TJP1: variants seen among roughly 807,000 people sequenced by gnomAD.
The protein encoded by TJP1 is tight junction protein 1, also known as tight junction protein ZO-1.
Under a neutral mutation model 194.2 loss-of-function variants are expected in TJP1, and 43 were observed. The ratio of observed to expected loss-of-function variants is 0.22; its 90% CI spans 0.17 to 0.29. TJP1 has a LOEUF of 0.29. Among genes scored for constraint, TJP1 ranks in the 10% least tolerant of loss-of-function variants. The pLI is 1.00. For missense variants in TJP1, 1,971 were observed against 2,185.7 expected, an observed-to-expected ratio of 0.90 and a Z score of 1.96; for synonymous variants, 801 against 779.0, an observed-to-expected ratio of 1.03 and a Z score of -0.47.
chr15:29,727,491 TAACTC>T (rs1467197720), intron 16 of TJP1, among the ~76,000 whole-genome samples: 1 of 152,234 alleles, frequency 6.6e-6, no homozygotes, highest in Non-Finnish European at 1.5e-5. Context: ...AATTGTAAGT[TAACTC>T]AATTCCATTT....
chr15:29,871,271 G>A (rs2052508443), intron 2 of TJP1, among the ~76,000 whole-genome samples: 1 of 152,224 alleles, frequency 6.6e-6, no homozygotes. Flanking sequence ...AATTCTGAGA[G>A]TAACTATAAA....
At chr15:29,943,361 G>A (rs1024175208) in intron 2 of TJP1, among the ~76,000 whole-genome samples, 1 of 152,178 alleles carries the variant, frequency 6.6e-6, no homozygotes, top group Non-Finnish European at 1.5e-5. Context: ...CAGGCACAGT[G>A]GCTCACGCCT....
rs936501500 is a variant in TJP1 at position 29,820,437 on chromosome 15, A to G, written c.27+1565T>C. ...CTCGCAAATGTTTACAATGCAAAAA[A>G]GTCCCTACAACGTAATATTTAACGA... On this transcript the variant is annotated intron_variant, in intron 1 of 27. Transcript: ENST00000614355. 6 of 690,668 alleles carry G rather than the reference A, an allele frequency of 8.7e-6. No homozygotes were observed. In the African/African-American group the frequency reaches 8.9e-5, roughly 10 times the overall value. The allele number at this position is 690,668 out of a possible 1,614,324, so 42.8% of individuals were successfully genotyped here. A position where few individuals can be genotyped will look rare whatever the true frequency, so the allele number is the denominator to read the frequency against.
At chr15:29,961,425 T>G (rs1472625669) in intron 1 of TJP1, among the ~76,000 whole-genome samples, 1 of 132,090 alleles carries the variant, frequency 7.6e-6, no homozygotes, top group Non-Finnish European at 1.5e-5. Context: ...CTCGGCTCAC[T>G]GCAAGCTCCG....
chr15:29,880,155 A>G (rs1567161319), intron 2 of TJP1, among the ~76,000 whole-genome samples: 2 of 152,132 alleles, frequency 1.3e-5, no homozygotes, highest in Admixed American at 6.5e-5. Flanking sequence ...AATTTATTCA[A>G]TCATTTCTCT....
At chr15:29,780,711 T>C (rs1339327097) in intron 2 of TJP1, among the ~76,000 whole-genome samples, 1 of 151,928 alleles carries the variant, frequency 6.6e-6, no homozygotes, top group East Asian at 1.9e-4. Context: ...CACAAGAAGA[T>C]ACAAGACATG....
chr15:29,761,579 G>A (rs372314959), intron 7 of TJP1, 22 bp downstream of exon 7: 50 of 1,577,488 alleles, frequency 3.2e-5, no homozygotes, highest in African/African-American at 5.4e-5. Context: ...TAGAGGGAAC[G>A]TTCAAACAGA....
At chr15:29,862,366 T>C (rs1307721702) in intron 2 of TJP1, among the ~76,000 whole-genome samples, 1 of 152,090 alleles carries the variant, frequency 6.6e-6, no homozygotes, top group Admixed American at 6.6e-5. Context: ...CACAGAAATA[T>C]ACAAAGTGGG....
chr15:29,936,862 G>A (rs935378681), intron 2 of TJP1, among the ~76,000 whole-genome samples: 13 of 152,174 alleles, frequency 8.5e-5, no homozygotes, highest in African/African-American at 2.2e-4. Flanking sequence ...TATTTAGAAC[G>A]CTGGCAGCCC....
rs768719570 is a variant in TJP1, at chr15:29,741,418, G to A, written c.1169C>T (p.Ala390Val). The change falls in exon 10 of 28, where the codon GCC (alanine) becomes GTC (valine). Residue 390 changes from alanine (A) to valine (V), a missense_variant. By Grantham distance (64) the Ala-to-Val change is moderately conservative (BLOSUM62 0). Around this residue, in one of 5 missense-constraint regions of TJP1, gnomAD observed 192 missense variants for 182.3 expected, o/e 1.05. Transcript: ENST00000614355. ...ATCCACATCTGGTTGCCCAACTTGGGCATACACAGGCTTTGGTTCTAAGAA... is the reference window on the plus strand; with the variant it reads ...ATCCACATCTGGTTGCCCAACTTGGACATACACAGGCTTTGGTTCTAAGAA... ...PSLPEPKPVY[A>V]QVGQPDVDLP... 2 of 1,607,662 alleles carry A rather than the reference G, an allele frequency of 1.2e-6. No homozygotes were observed. The highest frequency in any genetic ancestry group is 1.7e-5 in the Admixed American group (1 of 58,562).
chr15:29,820,429 T>A (rs923690526), intron 1 of TJP1: 1 of 686,230 alleles, frequency 1.5e-6, no homozygotes, highest in African/African-American at 1.8e-5. Flanking sequence ...ATGTTTACAA[T>A]GCAAAAAAGT....
chr15:29,958,966 TA>T (rs1596327667), intron 1 of TJP1, among the ~76,000 whole-genome samples: 2 of 152,070 alleles, frequency 1.3e-5, no homozygotes, highest in South Asian at 4.1e-4. Flanking sequence ...CAGTAAATTC[TA>T]AATTTCTAAA....
intron 2 of TJP1, among the ~76,000 whole-genome samples, chr15:29,952,880 G>C (rs2055801888): frequency 6.6e-6 from 1 of 152,046 alleles, no homozygotes; most frequent in Non-Finnish European, 1.5e-5. Flanking sequence ...TGGTATCTAT[G>C]GTGGCTAAGG....
chr15:29,759,426 CGA>C (rs1378015065), intron 8 of TJP1: 1 of 152,028 alleles, frequency 6.6e-6, no homozygotes, highest in Non-Finnish European at 1.5e-5. Flanking sequence ...AAATGATGAC[CGA>C]GACCAAGTTA....
intron 1 of TJP1, among the ~76,000 whole-genome samples, chr15:29,816,225 G>A (rs185360456): frequency 2.0e-5 from 3 of 151,954 alleles, no homozygotes; most frequent in East Asian, 1.9e-4. Flanking sequence ...ACGGGGTTTC[G>A]GCCGTGTTGG....
At chr15:29,878,979 C>T (rs546097265) in intron 2 of TJP1, among the ~76,000 whole-genome samples, 42 of 152,092 alleles carry the variant, frequency 2.8e-4, no homozygotes, top group Non-Finnish European at 5.9e-4. Context: ...AAAGATTAGC[C>T]GGGCGTTGTG....
chr15:29,870,098 C>T (rs2052460178), intron 2 of TJP1, among the ~76,000 whole-genome samples: 1 of 151,890 alleles, frequency 6.6e-6, no homozygotes, highest in Non-Finnish European at 1.5e-5. Flanking sequence ...GCCCAGCCTC[C>T]CAAAGTGCTG....
At chr15:29,702,087 T>C in intron 27 of TJP1, among the ~76,000 whole-genome samples, 1 of 150,476 alleles carries the variant, frequency 6.6e-6, no homozygotes, top group South Asian at 2.2e-4. Flanking sequence ...TAATTATCAG[T>C]AGCACTTTTT....
At chr15:29,874,996 T>C (rs1050279112) in intron 2 of TJP1, among the ~76,000 whole-genome samples, 3 of 152,234 alleles carry the variant, frequency 2.0e-5, no homozygotes, top group Non-Finnish European at 4.4e-5. Context: ...GAAGCATGTA[T>C]TGAACATCTG....
Sources: gnomAD v4.1 joint callset for allele counts (sites outside exome capture counted in the v4.1 genomes callset) on GRCh38, gnomAD v4.1.1 for gene constraint, gnomAD v4.1.1 regional missense constraint, MANE v1.5 for transcripts, NCBI Gene and HGNC (gene_info 2026-07-23, HGNC 2026-07-21) for gene names.